The following CTCFL variants were observed in gnomAD, a reference collection of about 807,000 sequenced individuals.
CTCFL encodes the protein CCCTC-binding factor like.
A neutral mutation model predicts 67.4 loss-of-function variants in CTCFL; 36 were observed. The ratio of observed to expected loss-of-function variants is 0.53; its 90% CI spans 0.41 to 0.71. The LOEUF (loss-of-function observed/expected upper bound fraction) is 0.71, where lower values mean the gene tolerates loss of function less well. Among genes scored for constraint, CTCFL ranks in the 30% least tolerant of loss-of-function variants. The pLI is 0.00. For synonymous variants in CTCFL, 324 were observed against 302.3 expected, an observed-to-expected ratio of 1.07 and a Z score of -0.75; for missense variants, 786 against 835.2, an observed-to-expected ratio of 0.94 and a Z score of 0.73.
intron 8 of CTCFL, among the ~76,000 whole-genome samples, chr20:57,510,627 G>A (rs2068488400): frequency 6.6e-6 from 1 of 152,190 alleles, no homozygotes; most frequent in Admixed American, 6.5e-5. Flanking sequence ...ACTTTGGGAG[G>A]CCGAGGCGGG....
intron 10 of CTCFL, among the ~76,000 whole-genome samples, chr20:57,501,046 C>T (rs1474707191): frequency 2.6e-5 from 4 of 152,194 alleles, no homozygotes; most frequent in Non-Finnish European, 5.9e-5. Context: ...CGCTGATGAA[C>T]TGTGGGTCAA....
Position 57,524,246 on chromosome 20 carries a change from T to C in CTCFL, c.-11-30A>G, listed in dbSNP as rs371615987. On this transcript the variant is annotated intron_variant, in intron 1 of 10. Transcript: ENST00000243914. ...TTGAAAAATAAGCAAGCGGTTTCCA[T>C]AGGGGGGAGAAGGGGGTGGTATGAG... 54 of 1,479,582 alleles carry C rather than the reference T, an allele frequency of 3.6e-5. No homozygotes were observed. In the Admixed American group the frequency reaches 7.2e-4, roughly 20 times the overall value. The allele number at this position is 1,479,582 out of a possible 1,614,324, so 91.7% of individuals were successfully genotyped here. A position where few individuals can be genotyped will look rare whatever the true frequency, so the allele number is the denominator to read the frequency against.
At chr20:57,519,723 A>T (rs2069204553) in intron 3 of CTCFL, among the ~76,000 whole-genome samples, 1 of 152,164 alleles carries the variant, frequency 6.6e-6, no homozygotes, top group Non-Finnish European at 1.5e-5. Flanking sequence ...CACACCGCCT[A>T]CCTGAAGTGG....
chr20:57,511,654 C>T lies in CTCFL; in HGVS notation c.1491+938G>A, dbSNP rs527928211. Among the ~76,000 whole-genome samples the T allele has an allele frequency of 8.0e-5, 12 of 150,160 alleles. No homozygotes were observed. In the East Asian group the frequency reaches 1.6e-3, roughly 20 times the overall value. ...TTTCCCAGGCTGGAGTGCAGTGGCG[C>T]GATCTCGGCTCACTGCAACCTCTGC... On this transcript the variant is annotated intron_variant, in intron 8 of 10. Coordinates refer to ENST00000243914, the MANE Select transcript of CTCFL (RefSeq NM_001386993.1).
chr20:57,507,438 T>C (rs1208211027), intron 9 of CTCFL: 2 of 626,404 alleles, frequency 3.2e-6, no homozygotes, highest in Non-Finnish European at 5.8e-6. Flanking sequence ...CCTCAAGTTA[T>C]CCACCTGCCT....
chr20:57,523,473 C>T (rs531991657), intron 2 of CTCFL, among the ~76,000 whole-genome samples, 190 bp downstream of exon 2: 1 of 152,204 alleles, frequency 6.6e-6, no homozygotes, highest in Admixed American at 6.5e-5. Flanking sequence ...TTACACTATT[C>T]CAATTAGCAC....
intron 3 of CTCFL, among the ~76,000 whole-genome samples, chr20:57,521,870 A>T (rs1041638204): frequency 6.6e-6 from 1 of 152,248 alleles, no homozygotes; most frequent in African/African-American, 2.4e-5. Flanking sequence ...AATGTCCAGA[A>T]CAGGAAAATC....
chr20:57,508,793 G>C lies in CTCFL; in HGVS notation c.1492-5C>G. 6.2e-7 allele frequency: 1 copy of C among 1,613,348 alleles called. No homozygotes were observed. Among genetic ancestry groups the C allele is most frequent in the Non-Finnish European group, 8.5e-7 (1 of 1,179,404 alleles). On this transcript the variant is annotated splice_region_variant and splice_polypyrimidine_tract_variant and intron_variant, in intron 8 of 10. Transcript: ENST00000243914. The stretch of plus-strand genomic sequence containing the variant: ...GTGAGCGGTCATATGACGTTCCTAA[G>C]AGGGAAGGGGAAGAAAGCAGCTTGT...
At chr20:57,508,846 G>T (rs1010130113) in intron 8 of CTCFL, 58 bp from the exon 9 acceptor site, 7 of 1,475,012 alleles carry the variant, frequency 4.7e-6, no homozygotes, top group Middle Eastern at 1.7e-4. Context: ...CTCGATATTA[G>T]ACACTGTTTA....
chr20:57,497,007 AT>A (rs34176396), downstream of CTCFL, among the ~76,000 whole-genome samples: 2,530 of 138,936 alleles, frequency 0.018, 37 homozygotes, highest in African/African-American at 0.045. Context: ...TGCTATTTCC[AT>A]TTTTTTTTTT....
At chr20:57,501,671 C>T (rs1167083553) in intron 10 of CTCFL, among the ~76,000 whole-genome samples, 1 of 152,140 alleles carries the variant, frequency 6.6e-6, no homozygotes, top group Non-Finnish European at 1.5e-5. Flanking sequence ...GGAGAAGCCC[C>T]AGGAGCTGGC....
intron 5 of CTCFL, 51 bp downstream of exon 5, chr20:57,518,707 A>G: frequency 6.2e-7 from 1 of 1,613,994 alleles, no homozygotes; most frequent in South Asian, 1.1e-5. Flanking sequence ...TAACTTGTAC[A>G]GCAGCCTCTA....
intron 10 of CTCFL, among the ~76,000 whole-genome samples, chr20:57,499,360 C>T (rs553836256): frequency 2.6e-4 from 40 of 152,276 alleles, no homozygotes; most frequent in South Asian, 2.3e-3. Context: ...GGCGTGTATC[C>T]ATAACCTGCT....
At position 57,498,632 on chromosome 20, in the gene CTCFL, C is replaced by T. The variant is rs200493607; in HGVS notation, c.1910G>A (p.Cys637Tyr). The T allele has an allele frequency of 3.1e-6, 5 of 1,614,170 alleles. No homozygotes were observed. The highest frequency in any genetic ancestry group is 2.2e-5 in the East Asian group (1 of 44,894). The stretch of plus-strand genomic sequence containing the variant: ...TTTGACTCTGGCTGTGGTTTCTCTG[C>T]AGGCGACAGGAAACATCTCTCCTGG... Reference protein sequence around the residue: ...QFPGEMFPVACRETTARVKEE... With the variant: ...QFPGEMFPVAYRETTARVKEE... The change falls in exon 11 of 11, where the codon TGC becomes TAC. Residue 637 changes from cysteine to tyrosine, a missense_variant. By Grantham distance (194) the Cys-to-Tyr change is radical. Around this residue, in one of 3 missense-constraint regions of CTCFL, gnomAD observed 199 missense variants for 196.7 expected, o/e 1.01. Coordinates refer to ENST00000243914, the MANE Select transcript of CTCFL (RefSeq NM_001386993.1).
chr20:57,523,677 T>A lies in CTCFL; in HGVS notation c.529A>T (p.Thr177Ser), dbSNP rs6025606. ...ACCAGCTGTACCTTGATCAGTCCAG[T>A]AGTTTCAGCCAGGCTCACCGCTAAC... ...SKLAVSLAET[T>S]GLIKLEEEQE... The change falls in exon 2 of 11, where the codon ACT becomes TCT. Residue 177 changes from threonine to serine, a missense_variant. Transcript: ENST00000243914. 6.2e-6 allele frequency: 10 copies of A among 1,613,218 alleles called. No individual in the cohort carries two copies. Among genetic ancestry groups the A allele is most frequent in the African/African-American group, 1.3e-5 (1 of 74,932 alleles).
At chr20:57,501,030 A>C (rs1194968276) in intron 10 of CTCFL, among the ~76,000 whole-genome samples, 1 of 152,174 alleles carries the variant, frequency 6.6e-6, no homozygotes, top group Non-Finnish European at 1.5e-5. Context: ...GGGTTTCTAC[A>C]ATGTGCGCTG....
intron 7 of CTCFL, chr20:57,513,161 C>T (rs2068677006): frequency 2.6e-6 from 2 of 783,796 alleles, no homozygotes; most frequent in South Asian, 1.1e-4. Context: ...ACTTTGAGAA[C>T]TATTATGGGG....
Position 57,508,558 on chromosome 20 carries a change from T to TA in CTCFL, c.1674+47dup, listed in dbSNP as rs571598928. The TA allele has an allele frequency of 7.5e-5, 117 of 1,568,564 alleles. 1 individual carries two copies. The African/African-American group carries it at 1.5e-3, about 20-fold the overall frequency. On this transcript the variant is annotated intron_variant, in intron 9 of 10. Coordinates refer to ENST00000243914, the MANE Select transcript of CTCFL (RefSeq NM_001386993.1). The stretch of plus-strand genomic sequence containing the variant: ...CTGGTGTGACACTGTCCTCCTGAGA[T>TA]AGAGGGATCTTTCCATGGGGGATTT...
At chr20:57,506,982 A>T (rs572747393) in intron 9 of CTCFL, 67 of 983,902 alleles carry the variant, frequency 6.8e-5, no homozygotes, top group South Asian at 3.8e-4. Flanking sequence ...AAATATTTTT[A>T]AAAAAATAGT....
Sources: allele counts gnomAD v4.1 joint callset (sites outside exome capture counted in the v4.1 genomes callset), GRCh38; gene constraint gnomAD v4.1.1; regional missense constraint gnomAD v4.1.1; transcripts MANE v1.5; gene names NCBI Gene and HGNC (gene_info 2026-07-23, HGNC 2026-07-21).